Variants in SPON1 observed in about 807,000 individuals in gnomAD.
SPON1 encodes spondin-1.
Under a neutral mutation model 111.7 loss-of-function variants are expected in SPON1, and 52 were observed. The ratio of observed to expected loss-of-function variants is 0.47; its 90% CI spans 0.37 to 0.59. The LOEUF (loss-of-function observed/expected upper bound fraction) is 0.59. Among genes scored for constraint, SPON1 ranks in the 20% least tolerant of loss-of-function variants. The pLI is 0.00. For missense variants in SPON1, 957 were observed against 1,068.5 expected (o/e 0.90, Z 1.46); for synonymous variants, 410 against 395.8 (o/e 1.04, Z -0.43).
chr11:13,979,640 A>G (rs1306543478), intron 1 of SPON1, among the ~76,000 whole-genome samples: 1 of 152,098 alleles, frequency 6.6e-6, no homozygotes, highest in African/African-American at 2.4e-5. Flanking sequence ...AATTGTCCTC[A>G]CCTGATGCAA....
chr11:14,031,407 C>T (rs1848558218), intron 2 of SPON1, among the ~76,000 whole-genome samples: 1 of 152,070 alleles, frequency 6.6e-6, no homozygotes, highest in Admixed American at 6.5e-5. Flanking sequence ...AGGATTTAAG[C>T]CTAAATCTTT....
chr11:14,052,719 T>C (rs1475446212), intron 3 of SPON1, among the ~76,000 whole-genome samples: 3 of 152,196 alleles, frequency 2.0e-5, no homozygotes, highest in African/African-American at 4.8e-5. Context: ...GGGATGCCAG[T>C]GGGAGCATGG....
At chr11:14,067,267 C>A (rs1412525891) in intron 3 of SPON1, among the ~76,000 whole-genome samples, 1 of 152,172 alleles carries the variant, frequency 6.6e-6, no homozygotes, top group Non-Finnish European at 1.5e-5. Context: ...GAGCCTGACT[C>A]CTCCTTTCCT....
At chr11:14,013,692 C>T (rs1848422532) in intron 2 of SPON1, among the ~76,000 whole-genome samples, 2 of 152,092 alleles carry the variant, frequency 1.3e-5, no homozygotes, top group South Asian at 4.2e-4. Flanking sequence ...AATCAGTTTA[C>T]CAACTAGAGG....
At chr11:14,202,738 G>T (rs1554935775) in intron 6 of SPON1, among the ~76,000 whole-genome samples, 2 of 152,086 alleles carry the variant, frequency 1.3e-5, no homozygotes, top group African/African-American at 4.8e-5. Flanking sequence ...CATGATTTTT[G>T]CAGGTGGCTA....
chr11:14,116,410 G>A (rs1259634388), intron 5 of SPON1, among the ~76,000 whole-genome samples: 1 of 152,164 alleles, frequency 6.6e-6, no homozygotes, highest in East Asian at 1.9e-4. Flanking sequence ...AATTGAATTT[G>A]TGTATGGTGT....
chr11:14,013,604 A>C (rs1441928795), intron 2 of SPON1, among the ~76,000 whole-genome samples: 1 of 152,130 alleles, frequency 6.6e-6, no homozygotes, highest in East Asian at 1.9e-4. Context: ...GGGTACATAC[A>C]ACTTAAATGT....
chr11:13,999,048 C>T (rs1554912153), intron 2 of SPON1, among the ~76,000 whole-genome samples: 5 of 152,042 alleles, frequency 3.3e-5, no homozygotes, highest in African/African-American at 1.2e-4. Flanking sequence ...GCTCTTAATT[C>T]TGGTTTTGCA....
intron 6 of SPON1, among the ~76,000 whole-genome samples, chr11:14,219,396 G>A (rs1554937395): frequency 6.6e-6 from 1 of 152,254 alleles, no homozygotes; most frequent in African/African-American, 2.4e-5. Context: ...GTGGGTTATG[G>A]TGAAAGGCCC....
chr11:14,150,990 T>A (rs1450676863), intron 6 of SPON1, among the ~76,000 whole-genome samples: 1 of 152,228 alleles, frequency 6.6e-6, no homozygotes, highest in Non-Finnish European at 1.5e-5. Context: ...GAGGATGGAC[T>A]CATTAACTGA....
chr11:13,995,329 G>T (rs1227325771), intron 2 of SPON1, among the ~76,000 whole-genome samples: 1 of 152,154 alleles, frequency 6.6e-6, no homozygotes, highest in Non-Finnish European at 1.5e-5. Context: ...CTGCTATAAA[G>T]ATACTACCTG....
At chr11:14,199,417 A>G (rs1201616206) in intron 6 of SPON1, among the ~76,000 whole-genome samples, 1 of 151,736 alleles carries the variant, frequency 6.6e-6, no homozygotes, top group Non-Finnish European at 1.5e-5. Context: ...ACCAAGACAT[A>G]GTAGCTCTAA....
intron 6 of SPON1, among the ~76,000 whole-genome samples, chr11:14,241,415 A>G (rs545889920): frequency 6.6e-6 from 1 of 152,264 alleles, no homozygotes; most frequent in South Asian, 2.1e-4. Flanking sequence ...CAGCAAGTGG[A>G]GGATGAATTG....
chr11:14,251,051 A>G (rs1849047991), intron 7 of SPON1, among the ~76,000 whole-genome samples: 1 of 152,214 alleles, frequency 6.6e-6, no homozygotes, highest in South Asian at 2.1e-4. Context: ...ATTAACAAAA[A>G]ATTCCAAAGC....
intron 6 of SPON1, among the ~76,000 whole-genome samples, chr11:14,216,387 T>TC (rs1241052332): frequency 5.3e-5 from 8 of 152,020 alleles, no homozygotes; most frequent in Non-Finnish European, 1.2e-4. Flanking sequence ...TGCAGATGCC[T>TC]CCCCCCATGA....
chr11:14,022,290 G>C lies in SPON1; in HGVS notation c.346-19231G>C, dbSNP rs558240090. On this transcript the variant is annotated intron_variant, in intron 2 of 15. Coordinates refer to ENST00000576479, the MANE Select transcript of SPON1 (RefSeq NM_006108.4). ...GGGATTCAGTTTAATGAATCTTTAA[G>C]AGCAGCCTGTTGTTAACATATTACA... Among the ~76,000 whole-genome samples, 183 of 152,334 alleles carry C rather than the reference G, an allele frequency of 1.2e-3. 1 individual carries two copies. The highest frequency in any genetic ancestry group is 6.8e-3 in the Middle Eastern group (2 of 294).
At chr11:14,023,657 G>C (rs1441386445) in intron 2 of SPON1, among the ~76,000 whole-genome samples, 1 of 152,152 alleles carries the variant, frequency 6.6e-6, no homozygotes, top group Non-Finnish European at 1.5e-5. Context: ...GAACACTTGC[G>C]AAAGGAAGAA....
chr11:14,209,767 G>A lies in SPON1; in HGVS notation c.826-33565G>A, dbSNP rs567389846. ...AGTAGAATGATTTATAATCCTTTGG[G>A]TATATACCCAGTAATGGATTGCTGG... On this transcript the variant is annotated intron_variant, in intron 6 of 15. Coordinates refer to ENST00000576479, the MANE Select transcript of SPON1 (RefSeq NM_006108.4). 2.6e-5 allele frequency among the ~76,000 whole-genome samples: 4 copies of A among 152,242 alleles called. No individual in the cohort carries two copies. In the East Asian group the frequency reaches 7.7e-4, roughly 29 times the overall value.
intron 1 of SPON1, among the ~76,000 whole-genome samples, chr11:13,972,054 A>G (rs1554908642): frequency 6.6e-6 from 1 of 152,232 alleles, no homozygotes; most frequent in Non-Finnish European, 1.5e-5. Context: ...TTGTGAATAA[A>G]TAGCTGTCAT....
Sources: gnomAD v4.1 joint callset for allele counts (sites outside exome capture counted in the v4.1 genomes callset) on GRCh38, gnomAD v4.1.1 for gene constraint, MANE v1.5 for transcripts, NCBI Gene and HGNC (gene_info 2026-07-23, HGNC 2026-07-21) for gene names.